The following KHDRBS2 variants were observed in gnomAD, a reference collection of about 807,000 sequenced individuals.
KHDRBS2 encodes the protein KH domain-containing, RNA-binding, signal transduction-associated protein 2.
Under a neutral mutation model 44.3 loss-of-function variants are expected in KHDRBS2, and 26 were observed. The observed-to-expected ratio is 0.59, with a 90% CI of 0.43 to 0.81. The LOEUF is 0.81. KHDRBS2 is among the 40% of genes least tolerant of loss of function. KHDRBS2 has a pLI of 0.00. For synonymous variants in KHDRBS2, 194 were observed against 151.1 expected (o/e 1.28, Z -2.08); for missense variants, 476 against 433.1 (o/e 1.10, Z -0.88).
the KHDRBS2 span, among the ~76,000 whole-genome samples, chr6:61,662,135 C>G: frequency 6.6e-6 from 1 of 151,980 alleles, no homozygotes; most frequent in Non-Finnish European, 1.5e-5. Flanking sequence ...CTGAGAAAAA[C>G]AAGCAATGGG....
intron 3 of KHDRBS2, among the ~76,000 whole-genome samples, chr6:62,031,503 C>T (rs182264938): frequency 8.5e-5 from 13 of 152,112 alleles, no homozygotes; most frequent in African/African-American, 2.6e-4. Context: ...TTCCCTGGGC[C>T]AGAAAACAAA....
chr6:61,950,883 C>T (rs1339669459), intron 4 of KHDRBS2, among the ~76,000 whole-genome samples: 2 of 151,962 alleles, frequency 1.3e-5, no homozygotes, highest in Non-Finnish European at 2.9e-5. Flanking sequence ...GAGAATCTCA[C>T]TACTAGTATT....
At chr6:62,273,869 A>G (rs1318396946) in intron 1 of KHDRBS2, among the ~76,000 whole-genome samples, 2 of 152,168 alleles carry the variant, frequency 1.3e-5, no homozygotes, top group Non-Finnish European at 2.9e-5. Context: ...CAACCTAGAT[A>G]GCCAACTTGA....
rs114532335 is a variant in KHDRBS2 at position 61,744,846 on chromosome 6, T to C, written c.811-12082A>G. On this transcript the variant is annotated intron_variant, in intron 6 of 8. Transcript: ENST00000281156. ...TTGTCAATTGTCAAACATTGTGAGATACTATCTCCTAACAAACATGGCTAT... is the reference window on the plus strand; with the variant it reads ...TTGTCAATTGTCAAACATTGTGAGACACTATCTCCTAACAAACATGGCTAT... Among the ~76,000 whole-genome samples the C allele has an allele frequency of 4.0e-3, 604 of 152,278 alleles. 6 individuals are homozygous for C. The highest frequency in any genetic ancestry group is 6.7e-3 in the Non-Finnish European group (457 of 67,998).
intron 2 of KHDRBS2, among the ~76,000 whole-genome samples, chr6:62,071,042 G>A (rs2127344911): frequency 1.3e-5 from 2 of 152,296 alleles, no homozygotes; most frequent in South Asian, 4.1e-4. Context: ...TAACTGGTGT[G>A]AGATGGTATC....
chr6:61,966,022 C>T (rs189543267), intron 4 of KHDRBS2, among the ~76,000 whole-genome samples: 14 of 151,986 alleles, frequency 9.2e-5, no homozygotes, highest in Non-Finnish European at 1.5e-4. Context: ...TCATAGTGTA[C>T]CTCCTCTCAT....
intron 2 of KHDRBS2, among the ~76,000 whole-genome samples, chr6:62,073,524 TTTTTTC>T (rs1221902585): frequency 5.6e-5 from 7 of 124,026 alleles, no homozygotes; most frequent in South Asian, 2.9e-4. Flanking sequence ...GATTTTTTTC[TTTTTTC>T]TTTTTTTTTT....
intron 6 of KHDRBS2, among the ~76,000 whole-genome samples, chr6:61,789,671 C>T (rs1162041794): frequency 6.6e-6 from 1 of 151,252 alleles, no homozygotes; most frequent in Non-Finnish European, 1.5e-5. Flanking sequence ...CCTGGTTTGT[C>T]GTAATTTATT....
chr6:62,165,243 T>TTATG (rs749500288), intron 2 of KHDRBS2, among the ~76,000 whole-genome samples: 9 of 149,430 alleles, frequency 6.0e-5, no homozygotes, highest in Non-Finnish European at 1.2e-4. Context: ...TCTAGTACAT[T>TTATG]TATTTATTTA....
At chr6:61,722,380 T>C (rs528070694) in intron 7 of KHDRBS2, among the ~76,000 whole-genome samples, 16 of 152,278 alleles carry the variant, frequency 1.1e-4, no homozygotes, top group African/African-American at 3.8e-4. Context: ...TTGTTATAGC[T>C]GCTGAACTTC....
chr6:62,072,186 G>T (rs1795288040), intron 2 of KHDRBS2, among the ~76,000 whole-genome samples: 2 of 152,156 alleles, frequency 1.3e-5, no homozygotes, highest in South Asian at 4.1e-4. Context: ...TTTGCACATT[G>T]ATTTTGTATC....
chr6:61,901,429 GAAAAA>G, intron 4 of KHDRBS2, 58 bp from the exon 5 acceptor site: 3 of 987,838 alleles, frequency 3.0e-6, no homozygotes, highest in East Asian at 3.1e-5. Context: ...CTCAGAGTTG[GAAAAA>G]AAAAAAAAGA....
At chr6:62,000,124 T>A (rs1777970810) in intron 3 of KHDRBS2, among the ~76,000 whole-genome samples, 1 of 148,232 alleles carries the variant, frequency 6.7e-6, no homozygotes, top group African/African-American at 2.4e-5. Context: ...ATTGTGTGAG[T>A]GTGTGTGTGT....
chr6:61,609,276 T>G, the KHDRBS2 span, among the ~76,000 whole-genome samples: 29,525 of 152,142 alleles, frequency 0.19, 3,349 homozygotes, highest in South Asian at 0.33. Context: ...GAGAATCGCT[T>G]AAACCCAGGA....
intron 4 of KHDRBS2, among the ~76,000 whole-genome samples, chr6:61,954,427 G>A (rs1028420903): frequency 3.6e-5 from 5 of 136,988 alleles, no homozygotes; most frequent in Admixed American, 7.6e-5. Context: ...ATATACGTAT[G>A]TATGCATGCA....
intron 7 of KHDRBS2, among the ~76,000 whole-genome samples, chr6:61,717,631 C>T (rs1480817881): frequency 1.3e-5 from 2 of 152,018 alleles, no homozygotes; most frequent in Non-Finnish European, 2.9e-5. Flanking sequence ...ATAGGACAAG[C>T]TTAATATTAT....
intron 1 of KHDRBS2, among the ~76,000 whole-genome samples, chr6:62,262,545 T>A (rs1838526966): frequency 6.6e-6 from 1 of 151,780 alleles, no homozygotes; most frequent in Admixed American, 6.6e-5. Flanking sequence ...GTTGGAACAC[T>A]AAAAGAGATT....
At chr6:61,940,492 G>A (rs370528540) in intron 4 of KHDRBS2, among the ~76,000 whole-genome samples, 1 of 152,114 alleles carries the variant, frequency 6.6e-6, no homozygotes, top group South Asian at 2.1e-4. Flanking sequence ...GGGTGGTTGT[G>A]CTGGGTCCCA....
intron 6 of KHDRBS2, among the ~76,000 whole-genome samples, chr6:61,736,987 G>A (rs913913493): frequency 6.6e-6 from 1 of 151,950 alleles, no homozygotes; most frequent in African/African-American, 2.4e-5. Context: ...ACTTAGCATA[G>A]TTTATCCCAT....
Sources: allele counts gnomAD v4.1 joint callset (sites outside exome capture counted in the v4.1 genomes callset), GRCh38; gene constraint gnomAD v4.1.1; transcripts MANE v1.5; gene names NCBI Gene and HGNC (gene_info 2026-07-23, HGNC 2026-07-21).